TMEM181: variants seen among roughly 807,000 people sequenced by gnomAD.
TMEM181 encodes the protein transmembrane protein 181.
In TMEM181, 39 loss-of-function variants were observed where a neutral mutation model predicts 71.9. The ratio of observed to expected loss-of-function variants is 0.54; its 90% CI spans 0.42 to 0.71. The LOEUF (loss-of-function observed/expected upper bound fraction) is 0.71. TMEM181 is among the 30% of genes least tolerant of loss of function. The pLI, the probability that TMEM181 is intolerant of heterozygous loss-of-function variation, is 0.00. For missense variants in TMEM181, 595 were observed against 583.0 expected (o/e 1.02, Z -0.21); for synonymous variants, 245 against 228.8 (o/e 1.07, Z -0.64).
At chr6:158,625,778 A>G in intron 13 of TMEM181, 24 bp downstream of exon 13, 1 of 1,598,154 alleles carries the variant, frequency 6.3e-7, no homozygotes, top group Non-Finnish European at 8.5e-7. Context: ...ATTTCTTGAA[A>G]ACAGCAAAAC....
In TMEM181 at chr6:158,571,533, C is replaced by G. The variant is rs12204451; in HGVS notation, c.9-1887C>G. Reference sequence around the variant, plus strand: ...CAGGATGGTCTCAATCTCCTGACCTCGTGATCCGCCCGCCTTGGCCTCCCA... The same window carrying G: ...CAGGATGGTCTCAATCTCCTGACCTGGTGATCCGCCCGCCTTGGCCTCCCA... On this transcript the variant is annotated intron_variant, in intron 1 of 16. Coordinates refer to ENST00000684151, the MANE Select transcript of TMEM181 (RefSeq NM_001376852.1). Among the ~76,000 whole-genome samples, 6 of 88,836 alleles carry G rather than the reference C, an allele frequency of 6.8e-5. 1 individual carries two copies. The highest frequency in any genetic ancestry group is 1.6e-4 in the Non-Finnish European group (6 of 36,624). The allele number at this position is 88,836 out of a possible 152,430, so 58.3% of individuals were successfully genotyped here. A position where few individuals can be genotyped will look rare whatever the true frequency, so the allele number is the denominator to read the frequency against.
chr6:158,575,607 C>A (rs9355664), intron 2 of TMEM181, among the ~76,000 whole-genome samples: 1 of 152,130 alleles, frequency 6.6e-6, no homozygotes, highest in Admixed American at 6.5e-5. Flanking sequence ...TGTGAGTCAC[C>A]GCAGCCAGCC....
intron 10 of TMEM181, among the ~76,000 whole-genome samples, chr6:158,619,785 C>T (rs1785845589): frequency 6.7e-6 from 1 of 149,138 alleles, no homozygotes; most frequent in Non-Finnish European, 1.5e-5. Context: ...AGGAGAATTA[C>T]TTGCACCTGG....
In TMEM181 at chr6:158,560,124, G is replaced by A. The variant is rs1782069038; in HGVS notation, c.-101G>A. 3.0e-6 allele frequency: 3 copies of A among 984,818 alleles called. No homozygotes were observed. Among genetic ancestry groups the A allele is most frequent in the Non-Finnish European group, 3.6e-6 (3 of 829,770 alleles). The allele number at this position is 984,818 out of a possible 1,614,324, so 61.0% of individuals were successfully genotyped here. A position where few individuals can be genotyped will look rare whatever the true frequency, so the allele number is the denominator to read the frequency against. On this transcript the variant is annotated 5_prime_UTR_variant, in exon 1 of 17. Coordinates refer to ENST00000684151, the MANE Select transcript of TMEM181 (RefSeq NM_001376852.1). ...CGCGGCCGGCCGCTGCTCAGCCGCT[G>A]TCGCTCCGGCTCCGGCTGCGGCTGC...
At chr6:158,592,031 C>T (rs1367948170) in intron 6 of TMEM181, among the ~76,000 whole-genome samples, 2 of 152,172 alleles carry the variant, frequency 1.3e-5, no homozygotes, top group Non-Finnish European at 2.9e-5. Context: ...CCTTGAATTA[C>T]ACCACAGCCA....
rs966126006 is a variant in TMEM181, at chr6:158,579,191, G to GGA, written c.113-1747_113-1746dup. Reference sequence around the variant, plus strand: ...GGAGAAACACTTGAACCCAGGAGGCGGAGGTTGCAGTGAGCCGAGATCACG... The same window carrying GGA: ...GGAGAAACACTTGAACCCAGGAGGCGGAGAGGTTGCAGTGAGCCGAGATCACG... On this transcript the variant is annotated intron_variant, in intron 2 of 16. Transcript: ENST00000684151. Among the ~76,000 whole-genome samples, 25 of 151,152 alleles carry GGA rather than the reference G, an allele frequency of 1.7e-4. No homozygotes were observed. The East Asian group carries it at 4.9e-3, about 30-fold the overall frequency.
intron 10 of TMEM181, among the ~76,000 whole-genome samples, chr6:158,613,793 G>C (rs1483150846): frequency 6.6e-6 from 1 of 152,144 alleles, no homozygotes; most frequent in Non-Finnish European, 1.5e-5. Context: ...CTTATAACTA[G>C]TTTTCAAATT....
At chr6:158,614,625 G>A (rs999559836) in intron 10 of TMEM181, among the ~76,000 whole-genome samples, 1 of 152,048 alleles carries the variant, frequency 6.6e-6, no homozygotes, top group Non-Finnish European at 1.5e-5. Context: ...TCCTAATGCT[G>A]TCCCTCCAAC....
chr6:158,560,376 G>A, intron 1 of TMEM181, 144 bp downstream of exon 1: 2 of 952,600 alleles, frequency 2.1e-6, no homozygotes, highest in East Asian at 1.2e-4. Context: ...GCTGAAGGGG[G>A]CTTCGCGGGC....
intron 6 of TMEM181, among the ~76,000 whole-genome samples, chr6:158,602,519 C>G (rs972622939): frequency 1.3e-5 from 2 of 152,156 alleles, no homozygotes; most frequent in Non-Finnish European, 2.9e-5. Context: ...CTTCATATCC[C>G]GTCAATGCTC....
At chr6:158,574,501 C>T (rs1283610261) in intron 2 of TMEM181, among the ~76,000 whole-genome samples, 2 of 152,158 alleles carry the variant, frequency 1.3e-5, no homozygotes, top group East Asian at 1.9e-4. Context: ...CTCATGGTCT[C>T]CAGTCTCAGT....
chr6:158,577,018 C>T (rs181465903), intron 2 of TMEM181, among the ~76,000 whole-genome samples: 131 of 144,762 alleles, frequency 9.0e-4, no homozygotes, highest in East Asian at 4.2e-4. Flanking sequence ...GCCGAGATTG[C>T]GCCACTGCAC....
Position 158,598,931 on chromosome 6 carries a change from G to T in TMEM181, c.493-6336G>T, listed in dbSNP as rs374350059. 1.2e-3 allele frequency among the ~76,000 whole-genome samples: 187 copies of T among 152,282 alleles called. 1 individual carries two copies. The highest frequency in any genetic ancestry group is 4.0e-3 in the African/African-American group (165 of 41,562). Reference sequence around the variant, plus strand: ...CTGCCTCGGCCTCCCAAAGTGCTGGGATTACAGGCGTGAGCCACCGCACCC... The same window carrying T: ...CTGCCTCGGCCTCCCAAAGTGCTGGTATTACAGGCGTGAGCCACCGCACCC... On this transcript the variant is annotated intron_variant, in intron 6 of 16. Coordinates refer to ENST00000684151, the MANE Select transcript of TMEM181 (RefSeq NM_001376852.1).
chr6:158,569,768 G>A (rs769210248), intron 1 of TMEM181, among the ~76,000 whole-genome samples: 1 of 152,044 alleles, frequency 6.6e-6, no homozygotes, highest in African/African-American at 2.4e-5. Flanking sequence ...ACCTGGCTAA[G>A]TTTTGTATTT....
At chr6:158,589,190 G>C (rs1269275283) in intron 5 of TMEM181, among the ~76,000 whole-genome samples, 1 of 152,204 alleles carries the variant, frequency 6.6e-6, no homozygotes, top group African/African-American at 2.4e-5. Context: ...AGGATGGAGA[G>C]GAAAGAGGGC....
At chr6:158,616,181 C>T (rs1785601951) in intron 10 of TMEM181, among the ~76,000 whole-genome samples, 1 of 152,108 alleles carries the variant, frequency 6.6e-6, no homozygotes, top group Non-Finnish European at 1.5e-5. Flanking sequence ...TTGTAGTTCT[C>T]CTTCAAGAGG....
At chr6:158,612,586 T>C (rs1785395027) in intron 10 of TMEM181, among the ~76,000 whole-genome samples, 2 of 152,248 alleles carry the variant, frequency 1.3e-5, no homozygotes, top group South Asian at 4.1e-4. Context: ...CCCAAACCAA[T>C]AATTCATTTG....
At chr6:158,560,839 T>C (rs1181033465) in intron 1 of TMEM181, among the ~76,000 whole-genome samples, 1 of 151,720 alleles carries the variant, frequency 6.6e-6, no homozygotes, top group Non-Finnish European at 1.5e-5. Context: ...TTTACCTCTT[T>C]GAAGTCCAGG....
chr6:158,608,408 TCCTGTGCGC>T lies in TMEM181; in HGVS notation c.754_762del (p.Cys252_Leu254del), dbSNP rs1785082967. ...CTGGATGACCTCTTTCAGTCCATGTTCCTGTGCGCCCTGCTGCTCTTCTGGCTGTGCGTG... is the reference window on the plus strand; with the variant it reads ...CTGGATGACCTCTTTCAGTCCATGTTCCTGCTGCTCTTCTGGCTGTGCGTG... On this transcript the variant is annotated inframe_deletion, in exon 9 of 17. Transcript: ENST00000684151. 2 of 1,614,086 alleles carry T rather than the reference TCCTGTGCGC, an allele frequency of 1.2e-6. No individual in the cohort carries two copies. Among genetic ancestry groups the T allele is most frequent in the African/African-American group, 2.7e-5 (2 of 74,926 alleles).
Sources: allele counts gnomAD v4.1 joint callset (sites outside exome capture counted in the v4.1 genomes callset), GRCh38; gene constraint gnomAD v4.1.1; transcripts MANE v1.5; gene names NCBI Gene and HGNC (gene_info 2026-07-23, HGNC 2026-07-21).